IRF1: variants seen among roughly 807,000 people sequenced by gnomAD.
IRF1 encodes the protein interferon regulatory factor-1.
A neutral mutation model predicts 43.7 loss-of-function variants in IRF1; 13 were observed. That is an observed-to-expected ratio of 0.30 (90% confidence interval 0.19 to 0.47). The LOEUF (loss-of-function observed/expected upper bound fraction) is 0.47. Among genes scored for constraint, IRF1 ranks in the 20% least tolerant of loss-of-function variants. IRF1 has a pLI of 0.99. For missense variants in IRF1, 236 were observed against 408.9 expected, an observed-to-expected ratio of 0.58 and a Z score of 3.65; for synonymous variants, 138 against 146.8, an observed-to-expected ratio of 0.94 and a Z score of 0.43.
At chr5:132,484,576 C>T in intron 8 of IRF1, 79 bp from the exon 9 acceptor site, 1 of 1,571,930 alleles carries the variant, frequency 6.4e-7, no homozygotes, top group Non-Finnish European at 8.7e-7. Flanking sequence ...AATGAGCCAG[C>T]TCCTCTCAGC....
At chr5:132,485,947 C>T in intron 7 of IRF1, 1 of 573,742 alleles carries the variant, frequency 1.7e-6, no homozygotes, top group Non-Finnish European at 3.0e-6. Flanking sequence ...CTTCCCACCC[C>T]TACCCTACTT....
chr5:132,485,847 A>ACT (rs1438530334), intron 7 of IRF1, 131 bp from the exon 8 acceptor site: 2 of 675,380 alleles, frequency 3.0e-6, no homozygotes, highest in East Asian at 5.5e-5. Context: ...ACACACACAC[A>ACT]CACCCTCCCG....
At position 132,483,734 on chromosome 5, in the gene IRF1, G is replaced by A; in HGVS notation, c.*217C>T. ...TGGTCTCAGAACCTCATCTTCCCAG[G>A]AGGCAGGGCCAGCTTTACACCACAA... On this transcript the variant is annotated 3_prime_UTR_variant, in exon 10 of 10. Transcript: ENST00000245414. 1 of 537,874 alleles carries A rather than the reference G, an allele frequency of 1.9e-6. No homozygotes were observed. The highest frequency in any genetic ancestry group is 3.2e-5 in the Admixed American group (1 of 31,148). The allele number at this position is 537,874 out of a possible 1,614,324, so 33.3% of individuals were successfully genotyped here. A position where few individuals can be genotyped will look rare whatever the true frequency, so the allele number is the denominator to read the frequency against.
intron 9 of IRF1, 88 bp downstream of exon 9, chr5:132,484,274 C>T: frequency 7.2e-7 from 1 of 1,382,842 alleles, no homozygotes. Context: ...CTTTACCGCC[C>T]TGCTCCCTGG....
chr5:132,487,861 G>T, intron 3 of IRF1, 65 bp downstream of exon 3: 2 of 1,103,234 alleles, frequency 1.8e-6, no homozygotes, highest in Non-Finnish European at 2.8e-6. Context: ...GAGCCTCTGT[G>T]TTAACGTGAG....
At chr5:132,489,583 TCAG>T in intron 1 of IRF1, 100 bp from the exon 2 acceptor site, 1 of 839,716 alleles carries the variant, frequency 1.2e-6, no homozygotes, top group Non-Finnish European at 2.0e-6. Flanking sequence ...TCCCCTCACC[TCAG>T]CCAGCTGCTA....
intron 2 of IRF1, 96 bp from the exon 3 acceptor site, chr5:132,488,121 T>A: frequency 2.2e-6 from 2 of 919,662 alleles, no homozygotes; most frequent in Non-Finnish European, 3.5e-6. Context: ...GCCAGACAGG[T>A]CTGAGAAAAG....
intron 1 of IRF1, chr5:132,489,769 C>A (rs1183540318): frequency 3.1e-6 from 1 of 321,066 alleles, no homozygotes; most frequent in East Asian, 4.9e-5. Flanking sequence ...GGAAAAGAGA[C>A]AAAATGCACA....
At position 132,486,357 on chromosome 5, in the gene IRF1, A is replaced by G. The variant is rs751458876; in HGVS notation, c.561T>C (p.Ala187=). ...QALTPALSPC[A]VSSTLPDWHI... The stretch of plus-strand genomic sequence containing the variant: ...GCCAGTCGGGGAGAGTGCTGCTGAC[A>G]GCACATGGCGACAGTGCTGGGGAAC... The change falls in exon 7 of 10, where the codon GCT becomes GCC. Residue 187 remains alanine, a synonymous_variant. Coordinates refer to ENST00000245414, the MANE Select transcript of IRF1 (RefSeq NM_002198.3). The G allele has an allele frequency of 6.2e-7, 1 of 1,612,306 alleles. No homozygotes were observed. Among genetic ancestry groups the G allele is most frequent in the Admixed American group, 1.7e-5 (1 of 60,002 alleles).
In IRF1 at chr5:132,486,783, G is replaced by A; in HGVS notation, c.414+12C>T. 1.2e-6 allele frequency: 2 copies of A among 1,614,184 alleles called. No individual in the cohort carries two copies. Among genetic ancestry groups the A allele is most frequent in the East Asian group, 2.2e-5 (1 of 44,886 alleles). ...GGTGACCAAAGGCCTGGCTGCTTAG[G>A]ACCACACTCACCTTCCTCTTGGCCT... On this transcript the variant is annotated intron_variant, in intron 5 of 9. Transcript: ENST00000245414.
chr5:132,485,733 CAG>C lies in IRF1; in HGVS notation c.668-19_668-18del, dbSNP rs369379107. The C allele has an allele frequency of 5.7e-5, 91 of 1,608,060 alleles. No individual in the cohort carries two copies. In the African/African-American group the frequency reaches 7.5e-4, roughly 13 times the overall value. On this transcript the variant is annotated intron_variant, in intron 7 of 9. Transcript: ENST00000245414. ...CTGTTGTAGCTGTGGATGGGGAAAG[CAG>C]AGAGGTTGGCTGGCAGTCAGCCACA...
Position 132,485,497 on chromosome 5 carries a change from A to C in IRF1, c.717+170T>G. Reference sequence around the variant, plus strand: ...GGCCTCCCACCTGCCTTCCCTTCCCATGGTGGCTTTCCCACCAGTCAAGCC... The same window carrying C: ...GGCCTCCCACCTGCCTTCCCTTCCCCTGGTGGCTTTCCCACCAGTCAAGCC... On this transcript the variant is annotated intron_variant, in intron 8 of 9. Coordinates refer to ENST00000245414, the MANE Select transcript of IRF1 (RefSeq NM_002198.3). 4.3e-6 allele frequency: 3 copies of C among 696,658 alleles called. No homozygotes were observed. The South Asian group carries it at 4.8e-5, about 11-fold the overall frequency. The allele number at this position is 696,658 out of a possible 1,614,324, so 43.2% of individuals were successfully genotyped here. A position where few individuals can be genotyped will look rare whatever the true frequency, so the allele number is the denominator to read the frequency against.
intron 2 of IRF1, chr5:132,488,287 T>C (rs1424705702): frequency 4.7e-6 from 2 of 424,186 alleles, no homozygotes; most frequent in Admixed American, 7.6e-5. Flanking sequence ...GTTACACATG[T>C]GCTAGGACCC....
chr5:132,489,492 A>G lies in IRF1; in HGVS notation c.-5-9T>C. 6.2e-7 allele frequency: 1 copy of G among 1,609,034 alleles called. No homozygotes were observed. The highest frequency in any genetic ancestry group is 8.5e-7 in the Non-Finnish European group (1 of 1,175,504). On this transcript the variant is annotated splice_polypyrimidine_tract_variant and intron_variant, in intron 1 of 9. Coordinates refer to ENST00000245414, the MANE Select transcript of IRF1 (RefSeq NM_002198.3). ...AGTGATGGGCATGTTGGCTGTAAAG[A>G]GAACACAGAGGCTCCAGTCTGGAAT...
At position 132,483,009 on chromosome 5, in the gene IRF1, A is replaced by G. The variant is rs1054813703; in HGVS notation, c.*942T>C. On this transcript the variant is annotated 3_prime_UTR_variant, in exon 10 of 10. Coordinates refer to ENST00000245414, the MANE Select transcript of IRF1 (RefSeq NM_002198.3). ...GTCAAGTTCAGGCGGGATGCCAATA[A>G]TAAGTCCATCAGTGTTTCCATAAAA... 3 of 152,346 alleles carry G rather than the reference A, an allele frequency of 2.0e-5. No individual in the cohort carries two copies. The highest frequency in any genetic ancestry group is 7.2e-5 in the African/African-American group (3 of 41,446). The allele number at this position is 152,346 out of a possible 1,614,324, so 9.4% of individuals were successfully genotyped here.
Position 132,486,371 on chromosome 5 carries a change from G to A in IRF1, c.547C>T (p.Leu183=), listed in dbSNP as rs768359746. The A allele has an allele frequency of 1.2e-6, 2 of 1,611,662 alleles. No individual in the cohort carries two copies. Among genetic ancestry groups the A allele is most frequent in the Admixed American group, 1.7e-5 (1 of 60,008 alleles). ...GTGCTGCTGACAGCACATGGCGACAGTGCTGGGGAACAGCAGAAGCCACAG... is the reference window on the plus strand; with the variant it reads ...GTGCTGCTGACAGCACATGGCGACAATGCTGGGGAACAGCAGAAGCCACAG... ...LEVEQALTPA[L]SPCAVSSTLP... The change falls in exon 7 of 10, where the codon CTG becomes TTG. Residue 183 remains leucine (L), a splice_region_variant and synonymous_variant. Coordinates refer to ENST00000245414, the MANE Select transcript of IRF1 (RefSeq NM_002198.3).
chr5:132,484,681 G>A, intron 8 of IRF1, 184 bp from the exon 9 acceptor site: 1 of 653,358 alleles, frequency 1.5e-6, no homozygotes, highest in Admixed American at 2.9e-5. Flanking sequence ...AGGCAGAAAT[G>A]CATGTTGGCA....
intron 7 of IRF1, chr5:132,486,037 C>T (rs1010251976): frequency 6.1e-6 from 4 of 652,824 alleles, no homozygotes; most frequent in Non-Finnish European, 1.1e-5. Context: ...GCCCCCTTCC[C>T]TCCTCTCACC....
intron 7 of IRF1, 107 bp downstream of exon 7, chr5:132,486,144 C>G (rs1561603932): frequency 6.8e-7 from 1 of 1,467,084 alleles, no homozygotes; most frequent in Non-Finnish European, 9.4e-7. Context: ...ATGCCCAACT[C>G]AATCAATTCA....
Sources: gnomAD v4.1 joint callset for allele counts on GRCh38, gnomAD v4.1.1 for gene constraint, MANE v1.5 for transcripts, NCBI Gene and HGNC (gene_info 2026-07-23, HGNC 2026-07-21) for gene names.